BCORL1: variants seen among roughly 807,000 people sequenced by gnomAD.
BCORL1 encodes BCL-6 corepressor-like protein 1.
In BCORL1, 7 loss-of-function variants were observed where a neutral mutation model predicts 87.6. That is an observed-to-expected ratio of 0.08 (90% CI 0.05 to 0.15). The LOEUF is 0.15. Ranked by LOEUF, BCORL1 falls within the 10% of genes least tolerant of loss-of-function variation. BCORL1 has a pLI of 1.00. For missense variants in BCORL1, 1,215 were observed against 1,499.7 expected (o/e 0.81, Z 3.13); for synonymous variants, 591 against 634.4 (o/e 0.93, Z 1.03).
rs1013927419 is a variant in BCORL1 at position 130,057,503 on chromosome X, G to A, written c.*1367G>A. ...TTTTTCTACCAATTGCTATTTTTCC[G>A]AACAATCCTTGTAGAGTATGTACCA... On this transcript the variant is annotated 3_prime_UTR_variant, in exon 14 of 14. Transcript: ENST00000540052. 1.8e-5 allele frequency: 2 copies of A among 111,866 alleles called. No individual in the cohort carries two copies. Among genetic ancestry groups the A allele is most frequent in the African/African-American group, 3.3e-5 (1 of 30,672 alleles). 9.2% of individuals were successfully genotyped at this position (111,866 alleles called of 1,213,427 possible). A position where few individuals can be genotyped will look rare whatever the true frequency, so the allele number is the denominator to read the frequency against.
At chrX:129,988,615 A>G (rs1040238880) in intron 1 of BCORL1, among the ~76,000 whole-genome samples, 1 of 111,901 alleles carries the variant, frequency 8.9e-6, no homozygotes, top group Non-Finnish European at 1.9e-5. Flanking sequence ...GTGAGGCAGG[A>G]TACCTCTTCA....
At chrX:129,991,540 C>T (rs1009225161) in intron 1 of BCORL1, among the ~76,000 whole-genome samples, 1 of 108,771 alleles carries the variant, frequency 9.2e-6, no homozygotes, top group Non-Finnish European at 1.9e-5. Context: ...CAGGGTCTCC[C>T]TGTGTTGCCC....
intron 11 of BCORL1, among the ~76,000 whole-genome samples, chrX:130,048,700 G>A (rs755333567): frequency 8.9e-6 from 1 of 111,991 alleles, no homozygotes; most frequent in Non-Finnish European, 1.9e-5. Flanking sequence ...CCATTTTAAA[G>A]TGTACAATTA....
intron 2 of BCORL1, among the ~76,000 whole-genome samples, chrX:130,012,045 G>T (rs913904287): frequency 5.4e-5 from 6 of 112,117 alleles, no homozygotes; most frequent in Non-Finnish European, 9.4e-5. Context: ...AGGTGAATAG[G>T]TGACGATTCA....
chrX:130,039,981 G>A (rs1931216783), intron 11 of BCORL1, among the ~76,000 whole-genome samples: 1 of 112,699 alleles, frequency 8.9e-6, no homozygotes, highest in Non-Finnish European at 1.9e-5. Context: ...GGGAAGGAGG[G>A]GAGTCTAGCT....
At chrX:130,050,003 C>CCG (rs759479964) in intron 11 of BCORL1, among the ~76,000 whole-genome samples, 47 of 111,450 alleles carry the variant, frequency 4.2e-4, no homozygotes, top group Non-Finnish European at 8.1e-4. Flanking sequence ...GGAGCCCAGC[C>CCG]CGCGTGTGTC....
intron 7 of BCORL1, among the ~76,000 whole-genome samples, chrX:130,025,713 G>A (rs1169204339): frequency 2.7e-5 from 3 of 110,814 alleles, no homozygotes; most frequent in African/African-American, 6.6e-5. Context: ...TGAGGGAGTC[G>A]AGTCTTTTGG....
intron 9 of BCORL1, among the ~76,000 whole-genome samples, chrX:130,035,932 A>G (rs1930914661): frequency 8.9e-6 from 1 of 112,574 alleles, no homozygotes; most frequent in Non-Finnish European, 1.9e-5. Context: ...GACAGTTTCT[A>G]TATACAGCCA....
intron 1 of BCORL1, among the ~76,000 whole-genome samples, chrX:130,002,794 T>G (rs1603087798): frequency 1.5e-4 from 14 of 91,605 alleles, no homozygotes; most frequent in South Asian, 5.4e-4. Context: ...GAGAGAGAGA[T>G]GGGTAGGGGG....
chrX:130,036,064 G>A (rs896507427), intron 9 of BCORL1, among the ~76,000 whole-genome samples: 1 of 112,450 alleles, frequency 8.9e-6, no homozygotes, highest in African/African-American at 3.2e-5. Context: ...CAATGGTGCA[G>A]CTATGGGATC....
intron 6 of BCORL1, among the ~76,000 whole-genome samples, chrX:130,023,812 T>G (rs931019499): frequency 2.7e-5 from 3 of 112,887 alleles, no homozygotes; most frequent in Non-Finnish European, 3.7e-5. Flanking sequence ...CCCTTTGTGA[T>G]CTCTATGATG....
chrX:130,043,770 A>ATATATG (rs1556130391), intron 11 of BCORL1, among the ~76,000 whole-genome samples: 3 of 18,963 alleles, frequency 1.6e-4, no homozygotes, highest in Non-Finnish European at 2.3e-4. Context: ...ATATATATAT[A>ATATATG]TATATATATA....
intron 6 of BCORL1, among the ~76,000 whole-genome samples, chrX:130,023,651 G>A (rs1666051181): frequency 8.9e-6 from 1 of 112,289 alleles, no homozygotes; most frequent in Non-Finnish European, 1.9e-5. Context: ...CATGGCAAGC[G>A]AGGTGGTAAT....
chrX:130,046,687 C>T (rs1260323664), intron 11 of BCORL1, among the ~76,000 whole-genome samples: 1 of 111,301 alleles, frequency 9.0e-6, no homozygotes, highest in Admixed American at 9.6e-5. Context: ...GCTGGGACTA[C>T]AGGTGCCCAC....
chrX:130,038,487 T>C (rs1931095385), intron 10 of BCORL1, among the ~76,000 whole-genome samples: 1 of 88,023 alleles, frequency 1.1e-5, no homozygotes, highest in African/African-American at 7.3e-5. Context: ...GCCCCCACCT[T>C]TTTTTTTTTT....
Position 130,042,790 on chromosome X carries a change from G to A in BCORL1, c.4840+3508G>A, listed in dbSNP as rs1265490120. The stretch of plus-strand genomic sequence containing the variant: ...AACTGGAGACCAGCCTGACCAACAT[G>A]GTGAAACCCCCTCTCTACTAAAAAT... On this transcript the variant is annotated intron_variant, in intron 11 of 13. Transcript: ENST00000540052. 4.5e-5 allele frequency among the ~76,000 whole-genome samples: 5 copies of A among 110,306 alleles called. No individual in the cohort carries two copies. The East Asian group carries it at 1.2e-3, about 26-fold the overall frequency.
At chrX:129,984,445 AG>A (rs1352435604) in intron 1 of BCORL1, among the ~76,000 whole-genome samples, 1 of 108,391 alleles carries the variant, frequency 9.2e-6, no homozygotes, top group Admixed American at 9.5e-5. Context: ...GGGAGAAGGA[AG>A]GGGGGTGTGG....
rs989299941 is a variant in BCORL1, at chrX:130,034,391, G to A, written c.4306-64G>A. ...GGCCTTGGCCACTGAGGGCAGTGATGACCCTGGTGGATGGATAAGCTGCCT... is the reference window on the plus strand; with the variant it reads ...GGCCTTGGCCACTGAGGGCAGTGATAACCCTGGTGGATGGATAAGCTGCCT... On this transcript the variant is annotated intron_variant, in intron 8 of 13. Coordinates refer to ENST00000540052, the MANE Select transcript of BCORL1 (RefSeq NM_001379451.1). 47 of 838,868 alleles carry A rather than the reference G, an allele frequency of 5.6e-5. No individual in the cohort carries two copies. In the African/African-American group the frequency reaches 9.3e-4, roughly 17 times the overall value. 69.1% of individuals were successfully genotyped at this position (838,868 alleles called of 1,213,427 possible). A position where few individuals can be genotyped will look rare whatever the true frequency, so the allele number is the denominator to read the frequency against.
At chrX:130,052,865 G>A (rs899730144) in intron 13 of BCORL1, among the ~76,000 whole-genome samples, 3 of 112,771 alleles carry the variant, frequency 2.7e-5, no homozygotes, top group Non-Finnish European at 5.6e-5. Context: ...CTGTGAACCA[G>A]TGGCTGGTCG....
Sources: gnomAD v4.1 joint callset for allele counts (sites outside exome capture counted in the v4.1 genomes callset) on GRCh38, gnomAD v4.1.1 for gene constraint, MANE v1.5 for transcripts, NCBI Gene and HGNC (gene_info 2026-07-23, HGNC 2026-07-21) for gene names.